Variants in SAMMSON observed in about 807,000 individuals in gnomAD.
SAMMSON encodes the protein long intergenic non-protein coding RNA 1212.
chr3:70,126,312 T>C, intron 4 of SAMMSON: 1 of 1,211,802 alleles, frequency 8.3e-7, no homozygotes, highest in African/African-American at 1.5e-5. Flanking sequence ...TTGATCTTGC[T>C]CTTTTGCAAA....
At chr3:70,428,362 T>C (rs1292336717) in intron 2 of SAMMSON, among the ~76,000 whole-genome samples, 2 of 152,202 alleles carry the variant, frequency 1.3e-5, no homozygotes, top group Non-Finnish European at 2.9e-5. Context: ...AATCAAAATG[T>C]TATAGAATTG....
intron 1 of SAMMSON, among the ~76,000 whole-genome samples, chr3:70,004,433 A>G (rs1186191423): frequency 6.6e-6 from 1 of 152,180 alleles, no homozygotes; most frequent in African/African-American, 2.4e-5. Context: ...ATCAATATGT[A>G]CTTTATTATT....
intron 4 of SAMMSON, among the ~76,000 whole-genome samples, chr3:70,225,589 C>T (rs1458137969): frequency 6.6e-6 from 1 of 150,774 alleles, no homozygotes; most frequent in African/African-American, 2.4e-5. Context: ...ATCCTTTTCT[C>T]TGTAAAAGTG....
At chr3:70,270,106 A>G (rs1701962322) in intron 6 of SAMMSON, among the ~76,000 whole-genome samples, 1 of 152,214 alleles carries the variant, frequency 6.6e-6, no homozygotes, top group African/African-American at 2.4e-5. Context: ...TAATGATGCC[A>G]TCCACAGCAT....
In SAMMSON at chr3:70,039,041, C is replaced by T. The variant is rs181981176; in HGVS notation, n.417+25369C>T. On this transcript the variant is annotated intron_variant and non_coding_transcript_variant, in intron 3 of 9. Coordinates refer to ENST00000642114, the Ensembl canonical transcript of SAMMSON. ...ATTTTTGAGCAACAGGTCATTATGA[C>T]AAACCTCTGTGAACAGACAGAGAGA... Among the ~76,000 whole-genome samples, 74 of 152,128 alleles carry T rather than the reference C, an allele frequency of 4.9e-4. No individual in the cohort carries two copies. The East Asian group carries it at 6.2e-3, about 13-fold the overall frequency.
chr3:70,057,080 G>A (rs1451089372), intron 3 of SAMMSON, among the ~76,000 whole-genome samples: 1 of 152,126 alleles, frequency 6.6e-6, no homozygotes, highest in Admixed American at 6.6e-5. Context: ...TGTGCAAAGA[G>A]AAAAAGAAAT....
chr3:70,032,399 A>G (rs1467103707), intron 3 of SAMMSON, among the ~76,000 whole-genome samples: 1 of 152,232 alleles, frequency 6.6e-6, no homozygotes, highest in Non-Finnish European at 1.5e-5. Context: ...TGATAAAAAT[A>G]TAGTAAAGAT....
At chr3:70,280,619 C>T (rs1702072656) in intron 6 of SAMMSON, among the ~76,000 whole-genome samples, 1 of 152,174 alleles carries the variant, frequency 6.6e-6, no homozygotes. Context: ...AAAGGTTCTT[C>T]TCTGTCCTCC....
chr3:70,429,602 T>G (rs1701397745), intron 2 of SAMMSON, among the ~76,000 whole-genome samples: 1 of 152,238 alleles, frequency 6.6e-6, no homozygotes, highest in Non-Finnish European at 1.5e-5. Context: ...TCCATGAGCA[T>G]TCAATGTTTT....
At chr3:70,311,855 C>T (rs1029461646) in intron 7 of SAMMSON, 2 of 397,276 alleles carry the variant, frequency 5.0e-6, no homozygotes, top group Admixed American at 8.8e-5. Flanking sequence ...AATTTTCACA[C>T]CAATAGAAAA....
At chr3:70,381,192 C>T (rs916423065) in intron 9 of SAMMSON, among the ~76,000 whole-genome samples, 11 of 152,202 alleles carry the variant, frequency 7.2e-5, no homozygotes, top group Non-Finnish European at 1.6e-4. Flanking sequence ...ACCAATTCCT[C>T]ACTCTGAATG....
chr3:70,298,881 T>C (rs1702317831), intron 7 of SAMMSON, among the ~76,000 whole-genome samples: 1 of 152,254 alleles, frequency 6.6e-6, no homozygotes, highest in South Asian at 2.1e-4. Context: ...TTGGACCAAA[T>C]TATTTAAACT....
chr3:70,264,696 G>C (rs1701899375), intron 6 of SAMMSON, among the ~76,000 whole-genome samples: 2 of 152,328 alleles, frequency 1.3e-5, no homozygotes, highest in African/African-American at 4.8e-5. Context: ...GAACATGGCA[G>C]ATGCAGTCCC....
intron 4 of SAMMSON, among the ~76,000 whole-genome samples, chr3:70,175,232 A>G (rs931931091): frequency 6.6e-6 from 1 of 152,118 alleles, no homozygotes; most frequent in African/African-American, 2.4e-5. Flanking sequence ...TGCCAATAGC[A>G]ATCAAGACAC....
chr3:70,108,536 T>C (rs2067376578), intron 4 of SAMMSON, among the ~76,000 whole-genome samples: 1 of 150,716 alleles, frequency 6.6e-6, no homozygotes, highest in Non-Finnish European at 1.5e-5. Flanking sequence ...ACAGGCTGAA[T>C]GTTTGTGTTC....
chr3:70,259,693 G>C (rs1701847747), intron 6 of SAMMSON, among the ~76,000 whole-genome samples: 1 of 152,202 alleles, frequency 6.6e-6, no homozygotes, highest in Non-Finnish European at 1.5e-5. Context: ...CATGGCTACT[G>C]TAACAAAGTG....
At chr3:70,374,419 C>T (rs1702995630) in intron 9 of SAMMSON, among the ~76,000 whole-genome samples, 1 of 152,142 alleles carries the variant, frequency 6.6e-6, no homozygotes, top group African/African-American at 2.4e-5. Context: ...TTTCTCATGA[C>T]AGCCTTCCAG....
intron 3 of SAMMSON, among the ~76,000 whole-genome samples, chr3:70,047,213 T>A (rs968564203): frequency 3.3e-5 from 5 of 152,204 alleles, no homozygotes; most frequent in African/African-American, 1.2e-4. Flanking sequence ...GCACTAAGTA[T>A]TTTTTGGGCT....
chr3:70,246,871 T>C (rs1440752412), intron 4 of SAMMSON, among the ~76,000 whole-genome samples: 6 of 152,084 alleles, frequency 3.9e-5, no homozygotes, highest in Admixed American at 3.3e-4. Context: ...TTTGTAAATA[T>C]GTTTTCTTCT....
Sources: allele counts gnomAD v4.1 joint callset (sites outside exome capture counted in the v4.1 genomes callset), GRCh38; gene constraint gnomAD v4.1.1; transcripts MANE v1.5; gene names NCBI Gene and HGNC (gene_info 2026-07-23, HGNC 2026-07-21).